BAG6: variants seen among roughly 807,000 people sequenced by gnomAD.
BAG6 encodes BAG cochaperone 6, also known as large proline-rich protein BAG6.
BAG6 carries 22 observed loss-of-function variants against 121.0 expected under a neutral mutation model. The observed-to-expected ratio is 0.18, with a 90% CI of 0.13 to 0.26. The LOEUF (loss-of-function observed/expected upper bound fraction) is 0.26, where lower values mean the gene tolerates loss of function less well. BAG6 is among the 10% of genes least tolerant of loss of function. BAG6 has a pLI of 1.00. For missense variants in BAG6, 1,233 were observed against 1,537.7 expected, an observed-to-expected ratio of 0.80 and a Z score of 3.31; for synonymous variants, 583 against 584.6, an observed-to-expected ratio of 1.00 and a Z score of 0.04.
chr6:31,651,336 C>T (rs187056584), intron 2 of BAG6, among the ~76,000 whole-genome samples: 1 of 152,118 alleles, frequency 6.6e-6, no homozygotes, highest in African/African-American at 2.4e-5. Context: ...GTAAGGAGTT[C>T]GAGACCAGCC....
Position 31,642,249 on chromosome 6 carries a change from G to A in BAG6, c.2198C>T (p.Ser733Leu). 2 of 1,612,386 alleles carry A rather than the reference G, an allele frequency of 1.2e-6. No homozygotes were observed. Among genetic ancestry groups the A allele is most frequent in the Non-Finnish European group, 1.7e-6 (2 of 1,179,728 alleles). ...LESLSPEFFT[S>L]VVQGVLSSLL... ...GGAGCTGAGCACACCCTGCACCACT[G>A]AGGTAAAAAACTCCGGTGACAGGCT... Residue 733 changes from serine to leucine, a missense_variant, in exon 16 of 26, where the codon TCA (serine) becomes TTA (leucine). Transcript: ENST00000676615.
Position 31,639,098 on chromosome 6 carries a change from T to C in BAG6, c.*33A>G. ...CTGTGAAGGAAGAGGGGGGAAACGG[T>C]CCCCTGATGAGGAAGGGCCATAGAG... On this transcript the variant is annotated 3_prime_UTR_variant, in exon 26 of 26. Coordinates refer to ENST00000676615, the MANE Select transcript of BAG6 (RefSeq NM_001387994.1). 1 of 1,552,008 alleles carries C rather than the reference T, an allele frequency of 6.4e-7. No individual in the cohort carries two copies. Among genetic ancestry groups the C allele is most frequent in the Non-Finnish European group, 8.8e-7 (1 of 1,133,422 alleles).
In BAG6 at chr6:31,646,376, G is replaced by T; in HGVS notation, c.918+18C>A. 2 of 1,610,580 alleles carry T rather than the reference G, an allele frequency of 1.2e-6. No homozygotes were observed. Among genetic ancestry groups the T allele is most frequent in the South Asian group, 1.1e-5 (1 of 90,880 alleles). On this transcript the variant is annotated intron_variant, in intron 8 of 25. Transcript: ENST00000676615. ...TACTGGGGCTGAGGAGAAAGGGCAG[G>T]GCCATCAAAGGGCTCACATTGTTAT...
rs773846115 is a variant in BAG6, at chr6:31,641,771, T to C, written c.2505+5A>G. 6.2e-7 allele frequency: 1 copy of C among 1,612,788 alleles called. No homozygotes were observed. The highest frequency in any genetic ancestry group is 8.5e-7 in the Non-Finnish European group (1 of 1,179,708). Reference sequence around the variant, plus strand: ...AGAGTTCTGGGGCCCCTGGCCTTCATTTACCCGGATGTTACTGGGTGTGGG... The same window carrying C: ...AGAGTTCTGGGGCCCCTGGCCTTCACTTACCCGGATGTTACTGGGTGTGGG... On this transcript the variant is annotated splice_donor_5th_base_variant and intron_variant, in intron 17 of 25. Transcript: ENST00000676615. The surrounding 1 kb of genome is among the most constrained non-coding windows in gnomAD (Gnocchi z 5.7).
In BAG6 at chr6:31,640,352, C is replaced by T; in HGVS notation, c.3138+33G>A. 1 of 1,614,188 alleles carries T rather than the reference C, an allele frequency of 6.2e-7. No individual in the cohort carries two copies. The highest frequency in any genetic ancestry group is 8.5e-7 in the Non-Finnish European group (1 of 1,180,016). On this transcript the variant is annotated intron_variant, in intron 23 of 25. Transcript: ENST00000676615. This position sits in a 1 kb window ranked among gnomAD's most constrained non-coding sequence, Gnocchi z 4.2. ...TAGTAATGTCCTTGACTTTCAGCTG[C>T]CATGACCCACTGGATTACTTCCTGA... is the stretch of plus-strand genomic sequence containing the variant.
At position 31,644,572 on chromosome 6, in the gene BAG6, C is replaced by T. The variant is rs778809508; in HGVS notation, c.1400G>A (p.Ser467Asn). 1 of 1,612,670 alleles carries T rather than the reference C, an allele frequency of 6.2e-7. No individual in the cohort carries two copies. Among genetic ancestry groups the T allele is most frequent in the Admixed American group, 1.7e-5 (1 of 59,956 alleles). Residue 467 changes from serine to asparagine, a missense_variant, in exon 11 of 26, where the codon AGT becomes AAT. This residue lies in a region of BAG6 where 777 missense variants were observed against 861.4 expected (regional missense o/e 0.90). Coordinates refer to ENST00000676615, the MANE Select transcript of BAG6 (RefSeq NM_001387994.1). This position sits in a 1 kb window ranked among gnomAD's most constrained non-coding sequence, Gnocchi z 4.9. ...DSGTQPGGVP[S>N]APTGPLGPPG... is the part of the protein sequence containing the mutation. Reference sequence around the variant, plus strand: ...GGGTCCCAGGGGGCCAGTGGGAGCACTCGGAACACCACCAGGCTGTGTGCC... The same window carrying T: ...GGGTCCCAGGGGGCCAGTGGGAGCATTCGGAACACCACCAGGCTGTGTGCC...
At chr6:31,652,238 G>A (rs931939528) in intron 1 of BAG6, 186 bp downstream of exon 1, 1 of 163,728 alleles carries the variant, frequency 6.1e-6, no homozygotes, top group African/African-American at 2.4e-5. Flanking sequence ...CACTCACGGG[G>A]CGACAGACCT....
intron 4 of BAG6, 114 bp downstream of exon 4, chr6:31,649,085 C>T: frequency 2.0e-6 from 3 of 1,514,236 alleles, no homozygotes; most frequent in Non-Finnish European, 2.7e-6. Flanking sequence ...AATAGCACAC[C>T]ACAGGGCCCC....
intron 5 of BAG6, 42 bp from the exon 6 acceptor site, chr6:31,648,793 G>A: frequency 5.0e-6 from 8 of 1,611,412 alleles, no homozygotes; most frequent in Non-Finnish European, 6.8e-6. Context: ...TACAGATGAA[G>A]CCATGAGTTC....
chr6:31,643,487 G>T (rs1174417586), intron 14 of BAG6, among the ~76,000 whole-genome samples: 1 of 151,812 alleles, frequency 6.6e-6, no homozygotes, highest in Non-Finnish European at 1.5e-5. Context: ...ACTTTGGGAG[G>T]CCAAGGTGGG....
chr6:31,640,736 C>G lies in BAG6; in HGVS notation c.2935-32G>C. On this transcript the variant is annotated intron_variant, in intron 21 of 25. Coordinates refer to ENST00000676615, the MANE Select transcript of BAG6 (RefSeq NM_001387994.1). This position sits in a 1 kb window ranked among gnomAD's most constrained non-coding sequence, Gnocchi z 4.2. ...AATTAAAGAACACCATACTTCCTCT[C>G]AGATCTCTCCAGTTCTCTCAAGTAC... The G allele has an allele frequency of 6.2e-7, 1 of 1,613,004 alleles. No individual in the cohort carries two copies. Among genetic ancestry groups the G allele is most frequent in the South Asian group, 1.1e-5 (1 of 91,082 alleles).
At position 31,645,539 on chromosome 6, in the gene BAG6, G is replaced by T. The variant is rs780143157; in HGVS notation, c.984C>A (p.Gly328=). Residue 328 remains glycine, a synonymous_variant, in exon 9 of 26, where the codon GGC becomes GGA. Transcript: ENST00000676615. ...NLVGESLRLL[G]NTFVALSDLR... ...GGTCAGACAGTGCAACAAAGGTGTT[G>T]CCCAGCAGTCGCAGGCTCTCCCCTA... The T allele has an allele frequency of 1.5e-5, 25 of 1,613,022 alleles. No individual in the cohort carries two copies. The highest frequency in any genetic ancestry group is 2.1e-5 in the Non-Finnish European group (25 of 1,180,054).
chr6:31,651,600 G>T, intron 2 of BAG6, 56 bp downstream of exon 2: 1 of 1,472,976 alleles, frequency 6.8e-7, no homozygotes, highest in South Asian at 1.1e-5. Context: ...CTCAGGCTAA[G>T]GGGCCTAAAC....
chr6:31,648,234 TG>T (rs1217710472), intron 6 of BAG6, among the ~76,000 whole-genome samples: 4 of 152,172 alleles, frequency 2.6e-5, no homozygotes, highest in Non-Finnish European at 1.5e-5. Context: ...CAGGCTGGAT[TG>T]GAACTCCTGA....
chr6:31,649,947 C>A (rs1027183052), intron 2 of BAG6, among the ~76,000 whole-genome samples: 1 of 151,538 alleles, frequency 6.6e-6, no homozygotes, highest in South Asian at 2.1e-4. Flanking sequence ...ACCAAAAATA[C>A]AAAAAAATAA....
chr6:31,645,453 T>A lies in BAG6; in HGVS notation c.1070A>T (p.His357Leu). ...CTGGAGCACCATGGGGGTGGTGTAG[T>A]GAGACATAGGCCGGACCACATGCAG... ...RHLHVVRPMSHYTTPMVLQQA... is the reference protein window; with the variant it reads ...RHLHVVRPMSLYTTPMVLQQA... The change falls in exon 9 of 26, where the codon CAC becomes CTC. Residue 357 changes from histidine (H) to leucine (L), a missense_variant. By Grantham distance (99) the His-to-Leu change is moderately conservative (BLOSUM62 -3). Coordinates refer to ENST00000676615, the MANE Select transcript of BAG6 (RefSeq NM_001387994.1). 1 of 1,613,002 alleles carries A rather than the reference T, an allele frequency of 6.2e-7. No homozygotes were observed. The highest frequency in any genetic ancestry group is 8.5e-7 in the Non-Finnish European group (1 of 1,180,008).
intron 2 of BAG6, among the ~76,000 whole-genome samples, chr6:31,651,376 T>C (rs138039007): frequency 0.017 from 2,552 of 152,092 alleles, 40 homozygotes; most frequent in Non-Finnish European, 0.023. Context: ...CCGTCTCTAC[T>C]AAAAATACAA....
chr6:31,639,825 C>CA (rs1407010788), intron 24 of BAG6, 179 bp from the exon 25 acceptor site: 1 of 829,298 alleles, frequency 1.2e-6, no homozygotes, highest in East Asian at 2.7e-5. Context: ...TTCTCTTTGG[C>CA]ACTAGCCAAA....
At chr6:31,651,262 G>A (rs1796353251) in intron 2 of BAG6, among the ~76,000 whole-genome samples, 1 of 152,242 alleles carries the variant, frequency 6.6e-6, no homozygotes, top group Non-Finnish European at 1.5e-5. Context: ...TCTGAGGCCA[G>A]GTGCGGTGGC....
Sources: gnomAD v4.1 joint callset for allele counts (sites outside exome capture counted in the v4.1 genomes callset) on GRCh38, gnomAD v4.1.1 for gene constraint, gnomAD v4.1.1 regional missense constraint, Gnocchi (gnomAD v3.1) non-coding constraint, MANE v1.5 for transcripts, NCBI Gene and HGNC (gene_info 2026-07-23, HGNC 2026-07-21) for gene names.